The following DPP6 variants were observed in gnomAD, a reference collection of about 807,000 sequenced individuals.
The protein encoded by DPP6 is A-type potassium channel modulatory protein DPP6.
DPP6 carries 69 observed loss-of-function variants against 122.6 expected under a neutral mutation model. The observed-to-expected ratio is 0.56, with a 90% CI of 0.46 to 0.69. DPP6 has a LOEUF of 0.69. DPP6 is among the 30% of genes least tolerant of loss of function. DPP6 has a pLI of 0.00. For missense variants in DPP6, 928 were observed against 1,116.9 expected, an observed-to-expected ratio of 0.83 and a Z score of 2.41; for synonymous variants, 418 against 433.1, an observed-to-expected ratio of 0.97 and a Z score of 0.43.
chr7:154,590,619 C>T (rs565627460), intron 5 of DPP6, among the ~76,000 whole-genome samples: 1 of 131,664 alleles, frequency 7.6e-6, no homozygotes, highest in South Asian at 2.6e-4. Context: ...ACTGAAACCT[C>T]CACCTCCCAG....
chr7:153,885,012 A>ATATATATATATATATATATT (rs2128990307), upstream of DPP6, among the ~76,000 whole-genome samples: 1 of 145,964 alleles, frequency 6.9e-6, no homozygotes, highest in African/African-American at 2.5e-5. Flanking sequence ...ATATATATAT[A>ATATATATATATATATATATT]TATATATATG....
At chr7:154,584,855 T>C (rs184233727) in intron 5 of DPP6, among the ~76,000 whole-genome samples, 1 of 152,364 alleles carries the variant, frequency 6.6e-6, no homozygotes, top group Admixed American at 6.5e-5. Flanking sequence ...CATCGGCCTC[T>C]CATTTTAAAT....
upstream of DPP6, among the ~76,000 whole-genome samples, chr7:154,051,938 G>T (rs554378066): frequency 2.6e-5 from 4 of 151,968 alleles, no homozygotes; most frequent in South Asian, 8.3e-4. Flanking sequence ...AGGTCCTCGG[G>T]GTGTCTCTGG....
At chr7:153,902,678 T>C (rs995697498) in intron 1 of DPP6, among the ~76,000 whole-genome samples, 1 of 151,886 alleles carries the variant, frequency 6.6e-6, no homozygotes, top group African/African-American at 2.4e-5. Context: ...CTACTAAAAA[T>C]ACAAAAAATT....
At position 154,063,206 on chromosome 7, in the gene DPP6, G is replaced by A. The variant is rs538344754; in HGVS notation, c.243+10143G>A. Among the ~76,000 whole-genome samples, 15 of 121,432 alleles carry A rather than the reference G, an allele frequency of 1.2e-4. 1 individual carries two copies. The highest frequency in any genetic ancestry group is 5.2e-3 in the Middle Eastern group (1 of 194). The allele number at this position is 121,432 out of a possible 152,430, so 79.7% of individuals were successfully genotyped here. A position where few individuals can be genotyped will look rare whatever the true frequency, so the allele number is the denominator to read the frequency against. On this transcript the variant is annotated intron_variant, in intron 1 of 25. Transcript: ENST00000377770. ...AGTACCCCCATCGCAGGGTTGGGGA[G>A]GCACCCCCCCGCGAGGCAGGGACTG...
At chr7:154,214,979 C>T (rs4268036) in intron 1 of DPP6, among the ~76,000 whole-genome samples, 1 of 152,098 alleles carries the variant, frequency 6.6e-6, no homozygotes, top group East Asian at 1.9e-4. Context: ...CCTAGTGTAC[C>T]GAAGCAGCCT....
intron 17 of DPP6, among the ~76,000 whole-genome samples, chr7:154,860,272 CCA>C (rs1242851051): frequency 4.6e-5 from 7 of 152,142 alleles, no homozygotes; most frequent in African/African-American, 1.7e-4. Context: ...CACAGGGCGC[CCA>C]CACATGGAGA....
chr7:154,820,701 C>G (rs1338575623), intron 16 of DPP6, among the ~76,000 whole-genome samples: 5 of 151,976 alleles, frequency 3.3e-5, no homozygotes. Flanking sequence ...AAAAATAGAT[C>G]CAACGAATGT....
chr7:153,835,284 T>C, the DPP6 span, among the ~76,000 whole-genome samples: 1 of 152,140 alleles, frequency 6.6e-6, no homozygotes, highest in African/African-American at 2.4e-5. Context: ...AGCATTGTTG[T>C]AAAAATAAAG....
chr7:154,017,324 C>T (rs1356814782), intron 1 of DPP6, among the ~76,000 whole-genome samples: 2 of 152,176 alleles, frequency 1.3e-5, no homozygotes, highest in Non-Finnish European at 2.9e-5. Context: ...CCTCCTCGAC[C>T]TCCCAAAGTG....
intron 1 of DPP6, among the ~76,000 whole-genome samples, chr7:154,254,053 G>A (rs867949496): frequency 6.6e-6 from 1 of 152,196 alleles, no homozygotes; most frequent in Non-Finnish European, 1.5e-5. Flanking sequence ...GTCACCTCCC[G>A]CCGGGCCCCT....
At chr7:154,392,109 A>G (rs1177951619) in intron 1 of DPP6, among the ~76,000 whole-genome samples, 1 of 152,134 alleles carries the variant, frequency 6.6e-6, no homozygotes, top group Non-Finnish European at 1.5e-5. Flanking sequence ...CCCTGTCTCT[A>G]CTAAAAATAC....
At chr7:154,248,830 C>CACTCCA (rs1330944019) in intron 1 of DPP6, among the ~76,000 whole-genome samples, 1 of 151,712 alleles carries the variant, frequency 6.6e-6, no homozygotes, top group Non-Finnish European at 1.5e-5. Flanking sequence ...TGCGCCACTG[C>CACTCCA]ACTCCAGCCT....
the DPP6 span, among the ~76,000 whole-genome samples, chr7:153,772,016 G>T: frequency 6.6e-6 from 1 of 152,106 alleles, no homozygotes; most frequent in Non-Finnish European, 1.5e-5. Flanking sequence ...GGTATCTATG[G>T]TGTAGGGATC....
At chr7:154,596,741 G>A (rs902564560) in intron 5 of DPP6, among the ~76,000 whole-genome samples, 1 of 152,194 alleles carries the variant, frequency 6.6e-6, no homozygotes, top group African/African-American at 2.4e-5. Context: ...AGAATAATGA[G>A]CCCTTAAATG....
intron 1 of DPP6, among the ~76,000 whole-genome samples, chr7:154,436,934 T>C (rs1818919799): frequency 1.3e-5 from 2 of 152,350 alleles, no homozygotes; most frequent in South Asian, 4.1e-4. Context: ...CTGTCTGATC[T>C]ATGTCACTTA....
At chr7:153,834,387 G>A in the DPP6 span, among the ~76,000 whole-genome samples, 2 of 152,040 alleles carry the variant, frequency 1.3e-5, no homozygotes, top group South Asian at 2.1e-4. Context: ...CAGCCATGGT[G>A]TAGATCTGGA....
chr7:154,887,745 G>A lies in DPP6; in HGVS notation c.2304+11G>A, dbSNP rs1220527964. ...AACAGAGCATACGAGGTGTGTATGG[G>A]CACAACTAGAGAATGTGATGAGACC... On this transcript the variant is annotated intron_variant, in intron 23 of 25. Transcript: ENST00000377770. The A allele has an allele frequency of 5.6e-6, 9 of 1,613,402 alleles. No individual in the cohort carries two copies. The East Asian group carries it at 2.0e-4, about 36-fold the overall frequency.
At chr7:154,050,977 C>T (rs1285350120), upstream of DPP6, among the ~76,000 whole-genome samples, 6 of 147,176 alleles carry the variant, frequency 4.1e-5, no homozygotes, top group Non-Finnish European at 7.5e-5. Context: ...ACTTGTTCAC[C>T]GGCATCCAGT....
Sources: gnomAD v4.1 joint callset for allele counts (sites outside exome capture counted in the v4.1 genomes callset) on GRCh38, gnomAD v4.1.1 for gene constraint, MANE v1.5 for transcripts, NCBI Gene and HGNC (gene_info 2026-07-23, HGNC 2026-07-21) for gene names.